DNAH7: variants seen among roughly 807,000 people sequenced by gnomAD.
DNAH7 encodes axonemal beta dynein heavy chain 7.
A neutral mutation model predicts 444.6 loss-of-function variants in DNAH7; 397 were observed. The observed-to-expected ratio is 0.89, with a 90% CI of 0.82 to 0.97. DNAH7 has a LOEUF of 0.97. Among genes scored for constraint, DNAH7 ranks in the 50% least tolerant of loss-of-function variants. The pLI is 0.00. For missense variants in DNAH7, 4,902 were observed against 4,800.8 expected (o/e 1.02, Z -0.62); for synonymous variants, 1,636 against 1,624.4 (o/e 1.01, Z -0.17).
At chr2:195,939,741 T>G (rs1216134518) in intron 19 of DNAH7, among the ~76,000 whole-genome samples, 1 of 152,092 alleles carries the variant, frequency 6.6e-6, no homozygotes, top group Non-Finnish European at 1.5e-5. Context: ...ATCTACTAGG[T>G]TTACATTTCT....
Position 195,876,563 on chromosome 2 carries a change from G to A in DNAH7, c.6098C>T (p.Pro2033Leu). Residue 2033 changes from proline to leucine, a missense_variant, in exon 37 of 65, where the codon CCT (proline) becomes CTT (leucine). Pro to Leu is a moderately conservative substitution (Grantham distance 98). Coordinates refer to ENST00000312428, the MANE Select transcript of DNAH7 (RefSeq NM_018897.3). ...LDKRRKGVFG[P>L]PLGKRMVVFV... ...CATTACCATTCTCTTGCCCAAAGGA[G>A]GACCAAAAACTCCCTTTCTTCTCTT... The A allele has an allele frequency of 6.2e-7, 1 of 1,613,820 alleles. No individual in the cohort carries two copies. The highest frequency in any genetic ancestry group is 2.2e-5 in the East Asian group (1 of 44,850).
chr2:195,888,944 A>G lies in DNAH7; in HGVS notation c.5084T>C (p.Val1695Ala). ...CATATTCTCAATCCACACTGCATCT[A>G]CTGGGCCATCAAAAATTAACCATTT... ...DRKWLIFDGPVDAVWIENMNT... is the reference protein window; with the variant it reads ...DRKWLIFDGPADAVWIENMNT... Residue 1695 changes from valine (V) to alanine (A), a missense_variant, in exon 32 of 65, where the codon GTA (valine) becomes GCA (alanine). Val to Ala is a moderately conservative substitution (Grantham distance 64, BLOSUM62 0). Coordinates refer to ENST00000312428, the MANE Select transcript of DNAH7 (RefSeq NM_018897.3). 1 of 1,613,284 alleles carries G rather than the reference A, an allele frequency of 6.2e-7. No homozygotes were observed. The highest frequency in any genetic ancestry group is 8.5e-7 in the Non-Finnish European group (1 of 1,179,788).
intron 47 of DNAH7, 63 bp downstream of exon 47, chr2:195,844,939 G>C: frequency 1.4e-6 from 2 of 1,460,686 alleles, no homozygotes; most frequent in African/African-American, 2.8e-5. Flanking sequence ...AATTGTTAAA[G>C]GAACACAGAT....
At chr2:195,824,747 C>A (rs767538720) in intron 48 of DNAH7, among the ~76,000 whole-genome samples, 18 of 152,112 alleles carry the variant, frequency 1.2e-4, no homozygotes, top group Non-Finnish European at 2.1e-4. Context: ...GGTATTATGG[C>A]AGTGAAGTTT....
At chr2:195,768,389 T>G (rs1223874379) in intron 61 of DNAH7, among the ~76,000 whole-genome samples, 1 of 151,756 alleles carries the variant, frequency 6.6e-6, no homozygotes, top group East Asian at 1.9e-4. Flanking sequence ...TTGGCATCTT[T>G]CCACATCAGC....
chr2:195,742,505 A>C (rs530874527), intron 63 of DNAH7, among the ~76,000 whole-genome samples: 12 of 152,340 alleles, frequency 7.9e-5, no homozygotes, highest in Non-Finnish European at 1.5e-4. Flanking sequence ...GTTCTTTCCA[A>C]CCCATCAATT....
At chr2:195,895,994 T>C (rs1241620166) in intron 29 of DNAH7, among the ~76,000 whole-genome samples, 3 of 152,230 alleles carry the variant, frequency 2.0e-5, no homozygotes, top group African/African-American at 7.2e-5. Flanking sequence ...AGTTTTAGGC[T>C]ACTACAAATA....
At chr2:195,967,877 CT>C (rs1202711810) in intron 17 of DNAH7, among the ~76,000 whole-genome samples, 1 of 152,160 alleles carries the variant, frequency 6.6e-6, no homozygotes, top group African/African-American at 2.4e-5. Context: ...ATATTGGCAT[CT>C]TTCTCCAGGT....
In DNAH7 at chr2:195,895,098, T is replaced by C. The variant is rs770166219; in HGVS notation, c.4774A>G (p.Ile1592Val). The change falls in exon 30 of 65, where the codon ATT becomes GTT. Residue 1592 changes from isoleucine (I) to valine (V), a missense_variant. Ile to Val is a conservative substitution (Grantham distance 29, BLOSUM62 3). Coordinates refer to ENST00000312428, the MANE Select transcript of DNAH7 (RefSeq NM_018897.3). Reference protein sequence around the residue: ...LQMTAFFSEKILQVYEMMIVR... With the variant: ...LQMTAFFSEKVLQVYEMMIVR... ...ATCATCATTTCATATACTTGAAGAATCTTCTCGGAAAAGAATGCAGTCATT... is the reference window on the plus strand; with the variant it reads ...ATCATCATTTCATATACTTGAAGAACCTTCTCGGAAAAGAATGCAGTCATT... 1 of 1,613,760 alleles carries C rather than the reference T, an allele frequency of 6.2e-7. No homozygotes were observed. Among genetic ancestry groups the C allele is most frequent in the Non-Finnish European group, 8.5e-7 (1 of 1,179,776 alleles).
At chr2:196,046,457 T>C (rs995479861) in intron 5 of DNAH7, among the ~76,000 whole-genome samples, 1 of 152,178 alleles carries the variant, frequency 6.6e-6, no homozygotes, top group Admixed American at 6.5e-5. Context: ...TAAAAATTTG[T>C]AACCAGAGGT....
chr2:195,959,872 A>G (rs982410918), intron 18 of DNAH7, among the ~76,000 whole-genome samples: 1 of 152,220 alleles, frequency 6.6e-6, no homozygotes, highest in Non-Finnish European at 1.5e-5. Context: ...TTTAAAACAA[A>G]ATTATTATCT....
At chr2:195,978,627 C>T (rs531422891) in intron 15 of DNAH7, among the ~76,000 whole-genome samples, 1 of 152,102 alleles carries the variant, frequency 6.6e-6, no homozygotes, top group Non-Finnish European at 1.5e-5. Flanking sequence ...AAAAACATAG[C>T]CTTGCTGAAT....
intron 5 of DNAH7, among the ~76,000 whole-genome samples, chr2:196,036,003 C>G (rs1255803405): frequency 7.3e-6 from 1 of 136,954 alleles, no homozygotes; most frequent in Non-Finnish European, 1.5e-5. Context: ...GTCCTTGGTA[C>G]AACAGTACCT....
intron 63 of DNAH7, among the ~76,000 whole-genome samples, chr2:195,749,222 C>T (rs984766902): frequency 1.3e-5 from 2 of 152,188 alleles, no homozygotes; most frequent in African/African-American, 4.8e-5. Flanking sequence ...CCAAAAACCA[C>T]ATGAAAAAAT....
At chr2:195,909,041 C>T (rs1049260618) in intron 25 of DNAH7, among the ~76,000 whole-genome samples, 6 of 151,866 alleles carry the variant, frequency 4.0e-5, no homozygotes, top group South Asian at 2.1e-4. Flanking sequence ...TGCATGTACA[C>T]GGACACAAAG....
chr2:195,790,216 T>C lies in DNAH7; in HGVS notation c.10717-3045A>G, dbSNP rs542924006. ...GGAAAAACACTCCATGCTCATGGAC[T>C]GGAAGAATCAATACTGTTAAAATGG... On this transcript the variant is annotated intron_variant, in intron 57 of 64. Coordinates refer to ENST00000312428, the MANE Select transcript of DNAH7 (RefSeq NM_018897.3). Among the ~76,000 whole-genome samples the C allele has an allele frequency of 2.4e-4, 37 of 152,210 alleles. 2 individuals carry two copies. In the South Asian group the frequency reaches 7.1e-3, roughly 29 times the overall value.
chr2:195,968,997 T>C (rs763929776), intron 17 of DNAH7, among the ~76,000 whole-genome samples: 17 of 152,378 alleles, frequency 1.1e-4, no homozygotes, highest in African/African-American at 1.7e-4. Flanking sequence ...ATGGGTGTTA[T>C]TGGGGAATGC....
At chr2:195,976,082 C>G (rs1692166321) in intron 15 of DNAH7, among the ~76,000 whole-genome samples, 1 of 152,178 alleles carries the variant, frequency 6.6e-6, no homozygotes, top group Non-Finnish European at 1.5e-5. Flanking sequence ...ATACCTCAGC[C>G]TTGCAGCTCG....
chr2:195,834,304 A>C lies in DNAH7; in HGVS notation c.9002T>G (p.Ile3001Ser), dbSNP rs533650982. The C allele has an allele frequency of 1.2e-5, 19 of 1,607,452 alleles. No individual in the cohort carries two copies. In the African/African-American group the frequency reaches 2.5e-4, roughly 21 times the overall value. ...IDPQSQANKW[I>S]KNMEKANSLY... ...ACTATTGGCTTTTTCCATGTTCTTG[A>C]TCCATTTATTAGCCTGACTTTGAGG... The change falls in exon 48 of 65, where the codon ATC (isoleucine) becomes AGC (serine). Residue 3001 changes from isoleucine (I) to serine (S), a missense_variant. Transcript: ENST00000312428.
Sources: allele counts gnomAD v4.1 joint callset (sites outside exome capture counted in the v4.1 genomes callset), GRCh38; gene constraint gnomAD v4.1.1; transcripts MANE v1.5; gene names NCBI Gene and HGNC (gene_info 2026-07-23, HGNC 2026-07-21).